The following LTBP4 variants were observed in gnomAD, a reference collection of about 807,000 sequenced individuals.
LTBP4 encodes the protein latent-transforming growth factor beta-binding protein 4.
LTBP4 carries 93 observed loss-of-function variants against 180.2 expected under a neutral mutation model. That is an observed-to-expected ratio of 0.52 (90% CI 0.44 to 0.61). The LOEUF (loss-of-function observed/expected upper bound fraction) is 0.61. Ranked by LOEUF, LTBP4 falls within the 20% of genes least tolerant of loss-of-function variation. The pLI is 0.00. For synonymous variants in LTBP4, 947 were observed against 934.5 expected (o/e 1.01, Z -0.24); for missense variants, 2,116 against 2,256.5 (o/e 0.94, Z 1.26).
chr19:40,625,316 A>ATATATATATTTT (rs1568414647), intron 26 of LTBP4, among the ~76,000 whole-genome samples: 8 of 21,932 alleles, frequency 3.6e-4, no homozygotes, highest in Non-Finnish European at 5.5e-4. Context: ...ATATATATAT[A>ATATATATATTTT]TTTTTTTTTT....
chr19:40,626,931 G>A (rs762292903), intron 27 of LTBP4, 44 bp from the exon 28 acceptor site: 1 of 1,508,658 alleles, frequency 6.6e-7, no homozygotes, highest in South Asian at 1.3e-5. Context: ...GGTGGGTGTG[G>A]GGGCCAGCAG....
Position 40,626,050 on chromosome 19 carries a change from C to T in LTBP4, c.3985+41C>T, listed in dbSNP as rs188809983. ...TAGGCTGAACTCAGAGGCCTTGCCC[C>T]ATGGGCTCCAAATCTAGGCCCTCAG... On this transcript the variant is annotated intron_variant, in intron 27 of 29. Transcript: ENST00000396819. 137 of 1,536,416 alleles carry T rather than the reference C, an allele frequency of 8.9e-5. No homozygotes were observed. The African/African-American group carries it at 1.7e-3, about 19-fold the overall frequency.
At chr19:40,628,610 T>A (rs2081654660) in intron 29 of LTBP4, among the ~76,000 whole-genome samples, 1 of 152,154 alleles carries the variant, frequency 6.6e-6, no homozygotes, top group Non-Finnish European at 1.5e-5. Flanking sequence ...CCTTACCTAA[T>A]TTTTCTGATA....
upstream of LTBP4, chr19:40,599,634 T>G (rs2081409903): frequency 1.5e-6 from 2 of 1,375,662 alleles, no homozygotes; most frequent in Non-Finnish European, 2.0e-6. Flanking sequence ...TCCTCCTCCC[T>G]TCCCCTCTCC....
At position 40,613,311 on chromosome 19, in the gene LTBP4, T is replaced by C. The variant is rs2081521369; in HGVS notation, c.2432-93T>C. The C allele has an allele frequency of 2.6e-6, 4 of 1,548,398 alleles. No individual in the cohort carries two copies. The highest frequency in any genetic ancestry group is 3.5e-6 in the Non-Finnish European group (4 of 1,144,956). On this transcript the variant is annotated intron_variant, in intron 16 of 29. Transcript: ENST00000396819. The surrounding 1 kb of genome is among the most constrained non-coding windows in gnomAD (Gnocchi z 5.0). ...GCGCTGTGGGAGGAGCTTAGAAACC[T>C]GGCATTGGTGGGGGCGGGGTTACTG...
rs1488572585 is a variant in LTBP4, at chr19:40,605,761, G to T, written c.723G>T (p.Gln241His). 6.5e-7 allele frequency: 1 copy of T among 1,544,062 alleles called. No individual in the cohort carries two copies. The highest frequency in any genetic ancestry group is 1.4e-5 in the African/African-American group (1 of 73,144). Residue 241 changes from glutamine (Q) to histidine (H), a missense_variant, in exon 4 of 30, where the codon CAG (glutamine) becomes CAT (histidine). By Grantham distance (24) the Gln-to-His change is conservative (BLOSUM62 0). Transcript: ENST00000396819. The surrounding 1 kb of genome is among the most constrained non-coding windows in gnomAD (Gnocchi z 5.5). The stretch of plus-strand genomic sequence containing the variant: ...CCCCGCTGCCCGGGCTCCGGACGCA[G>T]GAGGTCTGCTGCCGAGGGGCCGGCT... ...CASPLPGLRT[Q>H]EVCCRGAGLA...
Position 40,629,469 on chromosome 19 carries a change from C to G in LTBP4, c.4593C>G (p.Gly1531=). Residue 1531 remains glycine, a synonymous_variant, in exon 30 of 30, where the codon GGC becomes GGG. Coordinates refer to ENST00000396819, the MANE Select transcript of LTBP4 (RefSeq NM_001042545.2). This position sits in a 1 kb window ranked among gnomAD's most constrained non-coding sequence, Gnocchi z 4.5. ...ACGCGCGTTGCCTCAACACGGATGG[C>G]TCCTTCCGCTGCATCTGCCGCCCGG... is the stretch of plus-strand genomic sequence containing the variant. ...CVNARCLNTD[G]SFRCICRPGF... is the part of the protein sequence containing the mutation. 1 of 1,609,874 alleles carries G rather than the reference C, an allele frequency of 6.2e-7. No individual in the cohort carries two copies. The highest frequency in any genetic ancestry group is 8.5e-7 in the Non-Finnish European group (1 of 1,177,546).
chr19:40,622,918 G>C lies in LTBP4; in HGVS notation c.3485-32G>C, dbSNP rs1385587692. 6.2e-7 allele frequency: 1 copy of C among 1,607,500 alleles called. No homozygotes were observed. The highest frequency in any genetic ancestry group is 1.7e-5 in the Admixed American group (1 of 59,540). Reference sequence around the variant, plus strand: ...GGTCAGGGCTGGGGCTGGGGCTCTGGTGTCCTGGCTCAGGCTTGTCTCTGT... The same window carrying C: ...GGTCAGGGCTGGGGCTGGGGCTCTGCTGTCCTGGCTCAGGCTTGTCTCTGT... On this transcript the variant is annotated intron_variant, in intron 23 of 29. Transcript: ENST00000396819. The surrounding 1 kb of genome is among the most constrained non-coding windows in gnomAD (Gnocchi z 5.1).
Position 40,610,601 on chromosome 19 carries a change from T to G in LTBP4, c.1754T>G (p.Phe585Cys), listed in dbSNP as rs1411564570. 1.3e-6 allele frequency: 2 copies of G among 1,590,030 alleles called. No individual in the cohort carries two copies. The highest frequency in any genetic ancestry group is 4.5e-5 in the East Asian group (2 of 44,536). ...CGCTGCGAGAACACGCCAGGCAGCT[T>G]CCTGTGCGTGTGCCCCGCCGGGTAC... is the stretch of plus-strand genomic sequence containing the variant. ...LGRCENTPGS[F>C]LCVCPAGYQA... is the part of the protein sequence containing the mutation. Residue 585 changes from phenylalanine to cysteine, a missense_variant, in exon 12 of 30, where the codon TTC becomes TGC. By Grantham distance (205) the Phe-to-Cys change is radical. Transcript: ENST00000396819.
chr19:40,629,707 C>A lies in LTBP4; in HGVS notation c.*157C>A. On this transcript the variant is annotated 3_prime_UTR_variant, in exon 30 of 30. Transcript: ENST00000396819. The surrounding 1 kb of genome is among the most constrained non-coding windows in gnomAD (Gnocchi z 4.5). ...AAGCTGCGACGCCCTGCACTGCTCC[C>A]GCCTCCACCAGCGCCTCCCACTGAT... The A allele has an allele frequency of 1.4e-6, 1 of 698,682 alleles. No individual in the cohort carries two copies. The highest frequency in any genetic ancestry group is 2.0e-6 in the Non-Finnish European group (1 of 503,984). The allele number at this position is 698,682 out of a possible 1,614,324, so 43.3% of individuals were successfully genotyped here. A position where few individuals can be genotyped will look rare whatever the true frequency, so the allele number is the denominator to read the frequency against.
intron 29 of LTBP4, among the ~76,000 whole-genome samples, chr19:40,628,662 C>G (rs184689152): frequency 5.9e-5 from 9 of 152,024 alleles, no homozygotes; most frequent in Non-Finnish European, 1.2e-4. Context: ...CATAGAATTG[C>G]GAATATTATT....
In LTBP4 at chr19:40,612,129, C is replaced by T. The variant is rs920580983; in HGVS notation, c.2236C>T (p.Pro746Ser). ...ACPGQECVNS[P>S]GSFQCRTCPS... Reference sequence around the variant, plus strand: ...CCCTGGGCAGGAGTGTGTGAACTCGCCCGGCTCCTTCCAGTGCAGGACCTG... The same window carrying T: ...CCCTGGGCAGGAGTGTGTGAACTCGTCCGGCTCCTTCCAGTGCAGGACCTG... Residue 746 changes from proline to serine, a missense_variant, in exon 15 of 30, where the codon CCC (proline) becomes TCC (serine). Pro to Ser is a moderately conservative substitution (Grantham distance 74, BLOSUM62 -1). This residue lies in a region of LTBP4 where 877 missense variants were observed against 873.6 expected (regional missense o/e 1.00). Transcript: ENST00000396819. 2 of 1,613,482 alleles carry T rather than the reference C, an allele frequency of 1.2e-6. No individual in the cohort carries two copies. Among genetic ancestry groups the T allele is most frequent in the Non-Finnish European group, 1.7e-6 (2 of 1,179,708 alleles).
At chr19:40,597,362 TC>T, upstream of LTBP4, 1 of 1,515,766 alleles carries the variant, frequency 6.6e-7, no homozygotes, top group Non-Finnish European at 8.8e-7. Flanking sequence ...GTCCCGGGGG[TC>T]CCCAGCCGCC....
chr19:40,594,798 A>G (rs1381231422), intron 1 of LTBP4, among the ~76,000 whole-genome samples: 1 of 152,072 alleles, frequency 6.6e-6, no homozygotes, highest in African/African-American at 2.4e-5. Context: ...GGATGGAGGC[A>G]TGGATTGCTG....
At chr19:40,625,294 ATATATATATATATATATATATATTTT>A (rs1349220724) in intron 26 of LTBP4, among the ~76,000 whole-genome samples, 1 of 8,356 alleles carries the variant, frequency 1.2e-4, no homozygotes, top group East Asian at 2.1e-3. Context: ...ATATATATAT[ATATATATATATATATATATATATTTT>A]TTTTTTTAAA....
intron 19 of LTBP4, 48 bp downstream of exon 19, chr19:40,614,494 G>A: frequency 6.4e-7 from 1 of 1,574,352 alleles, no homozygotes; most frequent in Non-Finnish European, 8.6e-7. Context: ...ACGCGGTGCT[G>A]GAGGCTGCTC....
At chr19:40,621,548 A>C (rs1474872458) in intron 22 of LTBP4, among the ~76,000 whole-genome samples, 1 of 152,116 alleles carries the variant, frequency 6.6e-6, no homozygotes, top group East Asian at 1.9e-4. Context: ...CGCCATGTGA[A>C]GGTGATTGAA....
chr19:40,600,972 C>T (rs2081419056), upstream of LTBP4, among the ~76,000 whole-genome samples: 1 of 152,204 alleles, frequency 6.6e-6, no homozygotes, highest in Non-Finnish European at 1.5e-5. This position sits in a 1 kb window ranked among gnomAD's most constrained non-coding sequence, Gnocchi z 4.4. Context: ...GATGAAGCCC[C>T]TTTCTCTGTG....
chr19:40,602,710 G>T (rs1287034580), intron 1 of LTBP4, among the ~76,000 whole-genome samples: 1 of 152,160 alleles, frequency 6.6e-6, no homozygotes, highest in Non-Finnish European at 1.5e-5. Context: ...ACCTCAAAGG[G>T]ACCCCTATGT....
Sources: allele counts gnomAD v4.1 joint callset (sites outside exome capture counted in the v4.1 genomes callset), GRCh38; gene constraint gnomAD v4.1.1; regional missense constraint gnomAD v4.1.1; non-coding constraint Gnocchi (gnomAD v3.1); transcripts MANE v1.5; gene names NCBI Gene and HGNC (gene_info 2026-07-23, HGNC 2026-07-21).